Variants in RALGAPB observed in about 807,000 individuals in gnomAD.
The protein encoded by RALGAPB is ral GTPase-activating protein subunit beta.
A neutral mutation model predicts 161.1 loss-of-function variants in RALGAPB; 25 were observed. That is an observed-to-expected ratio of 0.16 (90% CI 0.11 to 0.22). The LOEUF is 0.22. RALGAPB is among the 10% of genes least tolerant of loss of function. The probability of loss-of-function intolerance (pLI) is 1.00; values close to 1 mark genes in which losing one functional copy is unlikely to be tolerated. For synonymous variants in RALGAPB, 629 were observed against 626.1 expected (o/e 1.00, Z -0.07); for missense variants, 1,391 against 1,815.2 (o/e 0.77, Z 4.25).
At chr20:38,558,878 T>A (rs1457934455) in intron 23 of RALGAPB, among the ~76,000 whole-genome samples, 2 of 152,146 alleles carry the variant, frequency 1.3e-5, no homozygotes, top group Non-Finnish European at 2.9e-5. Flanking sequence ...GTGACTGCTA[T>A]CAAAAAAGTG....
At chr20:38,492,485 CTGT>C (rs1461054333) in intron 2 of RALGAPB, among the ~76,000 whole-genome samples, 2 of 151,696 alleles carry the variant, frequency 1.3e-5, no homozygotes, top group Non-Finnish European at 2.9e-5. Flanking sequence ...ATCTTTCTTC[CTGT>C]TGTTTGTGCA....
At chr20:38,542,355 G>T (rs1481937128) in intron 18 of RALGAPB, among the ~76,000 whole-genome samples, 2 of 152,122 alleles carry the variant, frequency 1.3e-5, no homozygotes, top group African/African-American at 4.8e-5. Flanking sequence ...AGTGAAGTTG[G>T]ATTTGTTTCT....
intron 7 of RALGAPB, 37 bp downstream of exon 7, chr20:38,516,407 T>C (rs780627516): frequency 2.3e-5 from 36 of 1,565,310 alleles, no homozygotes; most frequent in Non-Finnish European, 3.0e-5. Flanking sequence ...TATGAAGAGC[T>C]TCATTTAGAT....
intron 20 of RALGAPB, 145 bp from the exon 21 acceptor site, chr20:38,550,926 T>C: frequency 3.4e-6 from 3 of 874,158 alleles, no homozygotes; most frequent in East Asian, 4.9e-5. Flanking sequence ...TTTGCTGTTA[T>C]CTGTAGCATT....
intron 6 of RALGAPB, among the ~76,000 whole-genome samples, chr20:38,512,819 G>GCGCAATCTCTGCTCACTGCAAGTTC (rs2086000931): frequency 6.6e-6 from 1 of 152,086 alleles, no homozygotes; most frequent in Admixed American, 6.6e-5. Context: ...GAGTGCAGTG[G>GCGCAATCTCTGCTCACTGCAAGTTC]CGCAATCTCT....
intron 15 of RALGAPB, 146 bp from the exon 16 acceptor site, chr20:38,534,928 T>C (rs2086758245): frequency 3.2e-6 from 3 of 944,596 alleles, no homozygotes; most frequent in Non-Finnish European, 4.8e-6. Context: ...CTCAACCCAG[T>C]GGGGTGGGGA....
intron 1 of RALGAPB, among the ~76,000 whole-genome samples, chr20:38,483,181 A>C (rs920142202): frequency 6.6e-6 from 1 of 152,206 alleles, no homozygotes; most frequent in African/African-American, 2.4e-5. Context: ...GAGCCACCAT[A>C]CCTGGCCTTA....
Position 38,553,926 on chromosome 20 carries a change from A to T in RALGAPB, c.3222A>T (p.Ile1074=). ...SGMAQQIAYE[I]HLEQQSEEEL... is the part of the protein sequence containing the mutation. Reference sequence around the variant, plus strand: ...TGGCCCAGCAGATTGCTTATGAAATACACCTTGAGCAACAGAGTGAGGAGG... The same window carrying T: ...TGGCCCAGCAGATTGCTTATGAAATTCACCTTGAGCAACAGAGTGAGGAGG... Residue 1074 remains isoleucine (I), a synonymous_variant, in exon 22 of 30, where the codon ATA becomes ATT. Coordinates refer to ENST00000262879, the MANE Select transcript of RALGAPB (RefSeq NM_020336.4). 6.2e-7 allele frequency: 1 copy of T among 1,613,828 alleles called. No homozygotes were observed. Among genetic ancestry groups the T allele is most frequent in the Non-Finnish European group, 8.5e-7 (1 of 1,179,804 alleles).
At chr20:38,507,322 A>G (rs774771522) in intron 5 of RALGAPB, among the ~76,000 whole-genome samples, 1 of 152,086 alleles carries the variant, frequency 6.6e-6, no homozygotes, top group Non-Finnish European at 1.5e-5. Flanking sequence ...GTAGTTTTCC[A>G]TTATATAATT....
Position 38,510,771 on chromosome 20 carries a change from G to T in RALGAPB, c.872+1563G>T, listed in dbSNP as rs1382261721. On this transcript the variant is annotated intron_variant, in intron 6 of 29. Transcript: ENST00000262879. Reference sequence around the variant, plus strand: ...TAAAAATACAAAAAATTAGCCGGGCGTAGTGGCGGGCGCCTGTAGTCCCAG... The same window carrying T: ...TAAAAATACAAAAAATTAGCCGGGCTTAGTGGCGGGCGCCTGTAGTCCCAG... Among the ~76,000 whole-genome samples, 3 of 140,772 alleles carry T rather than the reference G, an allele frequency of 2.1e-5. No individual in the cohort carries two copies. In the South Asian group the frequency reaches 6.2e-4, roughly 29 times the overall value. The allele number at this position is 140,772 out of a possible 152,430, so 92.4% of individuals were successfully genotyped here.
rs996585157 is a variant in RALGAPB at position 38,472,978 on chromosome 20, A to G, written c.-122A>G. ...GGCCGGCCAGGGCGGTGAAAGCGCC[A>G]GCCCTATGGCGCGGGTCGCGTGAGG... On this transcript the variant is annotated 5_prime_UTR_variant, in exon 1 of 30. Transcript: ENST00000262879. 2.5e-6 allele frequency: 1 copy of G among 398,212 alleles called. No individual in the cohort carries two copies. The highest frequency in any genetic ancestry group is 2.1e-5 in the African/African-American group (1 of 48,566). 24.7% of individuals were successfully genotyped at this position (398,212 alleles called of 1,614,324 possible).
Position 38,551,065 on chromosome 20 carries a change from T to C in RALGAPB, c.3010-6T>C. On this transcript the variant is annotated splice_region_variant and splice_polypyrimidine_tract_variant and intron_variant, in intron 20 of 29. Coordinates refer to ENST00000262879, the MANE Select transcript of RALGAPB (RefSeq NM_020336.4). Reference sequence around the variant, plus strand: ...GTAATAAACATAATGTTACTTGTTTTAACAGCTTTTTGTACCTGAACCTCG... The same window carrying C: ...GTAATAAACATAATGTTACTTGTTTCAACAGCTTTTTGTACCTGAACCTCG... 6.2e-7 allele frequency: 1 copy of C among 1,613,570 alleles called. No individual in the cohort carries two copies. The highest frequency in any genetic ancestry group is 8.5e-7 in the Non-Finnish European group (1 of 1,179,566).
rs1057112837 is a variant in RALGAPB at position 38,575,357 on chromosome 20, G to T, written c.*390G>T. ...TAGTTTTTTACCTCACTTTTTAGGAGGTTGTATTCAAAATTAAAATCTCAG... is the reference window on the plus strand; with the variant it reads ...TAGTTTTTTACCTCACTTTTTAGGATGTTGTATTCAAAATTAAAATCTCAG... On this transcript the variant is annotated 3_prime_UTR_variant, in exon 30 of 30. Coordinates refer to ENST00000262879, the MANE Select transcript of RALGAPB (RefSeq NM_020336.4). 5.8e-6 allele frequency: 1 copy of T among 172,370 alleles called. No homozygotes were observed. The highest frequency in any genetic ancestry group is 2.4e-5 in the African/African-American group (1 of 41,612). The allele number at this position is 172,370 out of a possible 1,614,324, so 10.7% of individuals were successfully genotyped here.
intron 28 of RALGAPB, among the ~76,000 whole-genome samples, chr20:38,571,746 G>A (rs530884829): frequency 1.3e-5 from 2 of 152,274 alleles, no homozygotes; most frequent in South Asian, 2.1e-4. Flanking sequence ...TGGATCATAT[G>A]AACATTCTAT....
chr20:38,481,826 C>T (rs946008068), intron 1 of RALGAPB, among the ~76,000 whole-genome samples: 11 of 152,158 alleles, frequency 7.2e-5, no homozygotes, highest in Non-Finnish European at 1.3e-4. Flanking sequence ...TGGTGGTCCC[C>T]GCCAGTGTCT....
chr20:38,538,457 A>G (rs2086874178), intron 16 of RALGAPB: 1 of 164,928 alleles, frequency 6.1e-6, no homozygotes, highest in Non-Finnish European at 1.3e-5. Context: ...ACCCAGCCCC[A>G]ACTGTGTAAT....
chr20:38,559,813 G>T (rs2087725232), intron 23 of RALGAPB, among the ~76,000 whole-genome samples: 1 of 152,168 alleles, frequency 6.6e-6, no homozygotes, highest in Non-Finnish European at 1.5e-5. Flanking sequence ...AGAGCAAAAT[G>T]GCAGGAGACT....
chr20:38,498,370 C>A (rs983925649), intron 4 of RALGAPB, among the ~76,000 whole-genome samples: 11 of 152,128 alleles, frequency 7.2e-5, no homozygotes, highest in African/African-American at 2.7e-4. Flanking sequence ...GTTCCAAGTT[C>A]TCTTGTTGCT....
At chr20:38,516,784 T>C (rs977397010) in intron 7 of RALGAPB, among the ~76,000 whole-genome samples, 7 of 152,220 alleles carry the variant, frequency 4.6e-5, no homozygotes, top group Non-Finnish European at 5.9e-5. Context: ...GGGACCATTC[T>C]CATGTATATC....
Sources: gnomAD v4.1 joint callset for allele counts (sites outside exome capture counted in the v4.1 genomes callset) on GRCh38, gnomAD v4.1.1 for gene constraint, MANE v1.5 for transcripts, NCBI Gene and HGNC (gene_info 2026-07-23, HGNC 2026-07-21) for gene names.